Variants in TNRC6B observed in about 807,000 individuals in gnomAD.
The protein encoded by TNRC6B is trinucleotide repeat-containing gene 6B protein.
In TNRC6B, 52 loss-of-function variants were observed where a neutral mutation model predicts 203.6. That is an observed-to-expected ratio of 0.26 (90% CI 0.20 to 0.32). TNRC6B has a LOEUF of 0.32. TNRC6B is among the 10% of genes least tolerant of loss of function. The pLI, the probability that TNRC6B is intolerant of heterozygous loss-of-function variation, is 1.00. For missense variants in TNRC6B, 1,923 were observed against 2,286.2 expected, an observed-to-expected ratio of 0.84 and a Z score of 3.24; for synonymous variants, 838 against 845.7, an observed-to-expected ratio of 0.99 and a Z score of 0.16.
chr22:40,296,899 G>C (rs2070952177), intron 12 of TNRC6B, among the ~76,000 whole-genome samples: 1 of 152,148 alleles, frequency 6.6e-6, no homozygotes, highest in South Asian at 2.1e-4. Flanking sequence ...CAAAGTGCTT[G>C]GGATTACAGG....
chr22:40,073,043 C>G (rs1485681004), intron 1 of TNRC6B, among the ~76,000 whole-genome samples: 1 of 151,328 alleles, frequency 6.6e-6, no homozygotes, highest in African/African-American at 2.4e-5. Flanking sequence ...TACATAAGGA[C>G]ATTCAGTCTC....
intron 3 of TNRC6B, 69 bp from the exon 4 acceptor site, chr22:40,261,762 AT>A: frequency 8.1e-7 from 1 of 1,238,132 alleles, no homozygotes; most frequent in Non-Finnish European, 1.1e-6. Context: ...TAATAAAATT[AT>A]TTTTAAAATT....
At chr22:40,244,465 C>CTTT (rs77260733) in intron 1 of TNRC6B, among the ~76,000 whole-genome samples, 1 of 144,198 alleles carries the variant, frequency 6.9e-6, no homozygotes, top group East Asian at 2.0e-4. Context: ...TTTTTTAAGT[C>CTTT]TTTTTTTTTT....
chr22:40,271,256 T>A (rs946578001), intron 6 of TNRC6B, among the ~76,000 whole-genome samples: 4 of 152,242 alleles, frequency 2.6e-5, no homozygotes, highest in African/African-American at 4.8e-5. Flanking sequence ...GTAACTTTCT[T>A]TAAAATGTTC....
At chr22:40,189,634 A>G (rs2069247461) in intron 1 of TNRC6B, among the ~76,000 whole-genome samples, 1 of 152,180 alleles carries the variant, frequency 6.6e-6, no homozygotes, top group South Asian at 2.1e-4. Context: ...TAAAATCTTC[A>G]AAGTGCCAGG....
intron 2 of TNRC6B, among the ~76,000 whole-genome samples, chr22:40,119,813 T>C (rs1387687710): frequency 6.6e-6 from 1 of 152,220 alleles, no homozygotes; most frequent in Non-Finnish European, 1.5e-5. Context: ...CACTTCTGCA[T>C]TGCCTACCTT....
At chr22:40,230,438 G>A (rs1021200990) in intron 1 of TNRC6B, among the ~76,000 whole-genome samples, 2 of 151,710 alleles carry the variant, frequency 1.3e-5, no homozygotes, top group Non-Finnish European at 2.9e-5. Context: ...CTACAGGCAT[G>A]CACCACTACC....
chr22:40,285,605 A>G (rs775370132), intron 11 of TNRC6B, 40 bp from the exon 12 acceptor site: 14 of 1,593,720 alleles, frequency 8.8e-6, no homozygotes, highest in Non-Finnish European at 1.2e-5. Context: ...GCATTTTCTT[A>G]TGTTAACAAA....
At chr22:40,106,909 T>C in intron 1 of TNRC6B, 1 of 996,072 alleles carries the variant, frequency 1.0e-6, no homozygotes, top group East Asian at 2.4e-5. Context: ...GCTTCGCTTT[T>C]TCATGGATAA....
At chr22:40,210,690 A>G (rs1036022433) in intron 1 of TNRC6B, among the ~76,000 whole-genome samples, 4 of 152,236 alleles carry the variant, frequency 2.6e-5, no homozygotes, top group African/African-American at 9.6e-5. Context: ...AACTATTAAC[A>G]TATTGTTGGT....
intron 7 of TNRC6B, among the ~76,000 whole-genome samples, chr22:40,275,913 C>T (rs1044096491): frequency 8.0e-5 from 12 of 150,758 alleles, no homozygotes; most frequent in East Asian, 2.0e-4. Context: ...GAGCCGAGAT[C>T]GCGCCATTGC....
intron 1 of TNRC6B, among the ~76,000 whole-genome samples, chr22:40,203,732 T>C (rs1453631874): frequency 6.6e-6 from 1 of 152,186 alleles, no homozygotes; most frequent in Non-Finnish European, 1.5e-5. Flanking sequence ...TTTTGTTTTG[T>C]TTTCATTTCC....
intron 4 of TNRC6B, among the ~76,000 whole-genome samples, chr22:40,172,652 C>T (rs949890417): frequency 2.0e-5 from 3 of 152,250 alleles, no homozygotes; most frequent in Middle Eastern, 3.4e-3. Context: ...CCATCTTAGT[C>T]TAAATTCATA....
At chr22:40,145,366 C>T (rs2068684750) in intron 3 of TNRC6B, among the ~76,000 whole-genome samples, 1 of 152,170 alleles carries the variant, frequency 6.6e-6, no homozygotes, top group African/African-American at 2.4e-5. Flanking sequence ...TTCCACCCAT[C>T]TCCTTAGTCT....
At chr22:40,244,716 G>A (rs371467038) in intron 1 of TNRC6B, among the ~76,000 whole-genome samples, 1 of 152,144 alleles carries the variant, frequency 6.6e-6, no homozygotes, top group African/African-American at 2.4e-5. Flanking sequence ...TTTGTTATCT[G>A]TTCGGTATTC....
chr22:40,139,053 T>C (rs2068623724), intron 3 of TNRC6B, among the ~76,000 whole-genome samples: 1 of 152,158 alleles, frequency 6.6e-6, no homozygotes, highest in Non-Finnish European at 1.5e-5. Flanking sequence ...TTAAGAACAT[T>C]GTCATTACTC....
intron 1 of TNRC6B, among the ~76,000 whole-genome samples, chr22:40,231,903 A>G (rs1010733219): frequency 6.6e-6 from 1 of 152,196 alleles, no homozygotes; most frequent in African/African-American, 2.4e-5. Context: ...TTTCTAGAGA[A>G]TATTGACTTC....
intron 22 of TNRC6B, among the ~76,000 whole-genome samples, chr22:40,322,504 GAC>G (rs1163358225): frequency 1.3e-5 from 2 of 152,178 alleles, no homozygotes; most frequent in African/African-American, 4.8e-5. Flanking sequence ...GCCCCCCACA[GAC>G]ACACACGTTT....
In TNRC6B at chr22:40,326,150, T is replaced by G. The variant is rs920927465; in HGVS notation, c.*2909T>G. On this transcript the variant is annotated 3_prime_UTR_variant, in exon 23 of 23. Coordinates refer to ENST00000454349, the MANE Select transcript of TNRC6B (RefSeq NM_001162501.2). The stretch of plus-strand genomic sequence containing the variant: ...TGTTTTTAACATTTGTTTTCCTGCT[T>G]TAAAATTTGCAAGCATTCTCAGGAA... 1 of 152,574 alleles carries G rather than the reference T, an allele frequency of 6.6e-6. No individual in the cohort carries two copies. The highest frequency in any genetic ancestry group is 1.5e-5 in the Non-Finnish European group (1 of 68,020). 9.5% of individuals were successfully genotyped at this position (152,574 alleles called of 1,614,324 possible).
Sources: gnomAD v4.1 joint callset for allele counts (sites outside exome capture counted in the v4.1 genomes callset) on GRCh38, gnomAD v4.1.1 for gene constraint, MANE v1.5 for transcripts, NCBI Gene and HGNC (gene_info 2026-07-23, HGNC 2026-07-21) for gene names.